Variants in APOB observed in about 807,000 individuals in gnomAD.
APOB encodes apolipoprotein B-100.
Under a neutral mutation model 314.1 loss-of-function variants are expected in APOB, and 153 were observed. The observed-to-expected ratio is 0.49, with a 90% CI of 0.43 to 0.56. APOB has a LOEUF of 0.56. Among genes scored for constraint, APOB ranks in the 20% least tolerant of loss-of-function variants. The pLI, the probability that APOB is intolerant of heterozygous loss-of-function variation, is 0.00. For synonymous variants in APOB, 2,087 were observed against 2,036.4 expected (o/e 1.02, Z -0.67); for missense variants, 5,430 against 5,350.7 (o/e 1.01, Z -0.46).
At chr2:21,042,321 G>T in intron 3 of APOB, 40 bp downstream of exon 3, 1 of 1,517,704 alleles carries the variant, frequency 6.6e-7, no homozygotes, top group Non-Finnish European at 9.1e-7. Context: ...CTGGGGGAAA[G>T]CTGTGGGCTC....
In APOB at chr2:21,012,610, G is replaced by A. The variant is rs1483573722; in HGVS notation, c.4258C>T (p.Leu1420=). Residue 1420 remains leucine, a synonymous_variant, in exon 26 of 29, where the codon CTA becomes TTA. Coordinates refer to ENST00000233242, the MANE Select transcript of APOB (RefSeq NM_000384.3). ...TGGCGTAGAGACCCATCACATGATAGTGTGAACGTATTCTTGTGGTCATAT... is the reference window on the plus strand; with the variant it reads ...TGGCGTAGAGACCCATCACATGATAATGTGAACGTATTCTTGTGGTCATAT... ...TTYDHKNTFT[L]SCDGSLRHKF... is the part of the protein sequence containing the mutation. The A allele has an allele frequency of 1.2e-5, 20 of 1,610,482 alleles. No individual in the cohort carries two copies. Among genetic ancestry groups the A allele is most frequent in the Middle Eastern group, 1.7e-4 (1 of 6,052 alleles).
Position 21,009,109 on chromosome 2 carries a change from C to G in APOB, c.7759G>C (p.Val2587Leu), listed in dbSNP as rs375855688. 1.9e-5 allele frequency: 30 copies of G among 1,614,074 alleles called. No individual in the cohort carries two copies. The African/African-American group carries it at 3.2e-4, about 17-fold the overall frequency. ...CCAAGGATGGTCTTGATTTCAGGAACAGTGAACCCTTGCTCTACCAATGCT... is the reference window on the plus strand; with the variant it reads ...CCAAGGATGGTCTTGATTTCAGGAAGAGTGAACCCTTGCTCTACCAATGCT... ...MKALVEQGFT[V>L]PEIKTILGTM... The change falls in exon 26 of 29, where the codon GTT (valine) becomes CTT (leucine). Residue 2587 changes from valine (V) to leucine (L), a missense_variant. Val to Leu is a conservative substitution (Grantham distance 32). This residue lies in a region of APOB where 3,281 missense variants were observed against 3,171.0 expected (regional missense o/e 1.03). Coordinates refer to ENST00000233242, the MANE Select transcript of APOB (RefSeq NM_000384.3).
At position 21,010,555 on chromosome 2, in the gene APOB, C is replaced by A. The variant is rs1663279094; in HGVS notation, c.6313G>T (p.Asp2105Tyr). The stretch of plus-strand genomic sequence containing the variant: ...GCTCTGTATTTTCTTACAAATTGAT[C>A]AATATTGATGTGCTTCAGGTTTCTC... ...VQRNLKHINI[D>Y]QFVRKYRAAL... Residue 2105 changes from aspartate (D) to tyrosine (Y), a missense_variant, in exon 26 of 29, where the codon GAT becomes TAT. Coordinates refer to ENST00000233242, the MANE Select transcript of APOB (RefSeq NM_000384.3). 1.2e-6 allele frequency: 2 copies of A among 1,610,602 alleles called. No homozygotes were observed. Among genetic ancestry groups the A allele is most frequent in the South Asian group, 2.2e-5 (2 of 90,656 alleles).
In APOB at chr2:21,005,105, T is replaced by C. The variant is rs1663090336; in HGVS notation, c.11763A>G (p.Val3921=). Residue 3921 remains valine, a synonymous_variant, in exon 26 of 29, where the codon GTA becomes GTG. Coordinates refer to ENST00000233242, the MANE Select transcript of APOB (RefSeq NM_000384.3). ...TVLDSTCSST[V]QFLEYELNVL... is the part of the protein sequence containing the mutation. Reference sequence around the variant, plus strand: ...CATTTAGTTCATATTCTAGGAACTGTACGGTTGAGCTGCATGTGGAATCCA... The same window carrying C: ...CATTTAGTTCATATTCTAGGAACTGCACGGTTGAGCTGCATGTGGAATCCA... 6.2e-7 allele frequency: 1 copy of C among 1,614,000 alleles called. No homozygotes were observed. Among genetic ancestry groups the C allele is most frequent in the East Asian group, 2.2e-5 (1 of 44,894 alleles).
Position 21,010,570 on chromosome 2 carries a change from T to A in APOB, c.6298A>T (p.Lys2100Ter). Residue 2100 changes from lysine to a stop codon, truncating the protein, a stop_gained, in exon 26 of 29, where the codon AAG becomes TAG. Coordinates refer to ENST00000233242, the MANE Select transcript of APOB (RefSeq NM_000384.3). LOFTEE classifies it high-confidence loss of function. ...ACAAATTGATCAATATTGATGTGCTTCAGGTTTCTCTGTACGTTTTCCAGT... is the reference window on the plus strand; with the variant it reads ...ACAAATTGATCAATATTGATGTGCTACAGGTTTCTCTGTACGTTTTCCAGT... ...VVLENVQRNLKHINIDQFVRK... is the reference protein window; with the variant it reads ...VVLENVQRNL 1 of 1,613,618 alleles carries A rather than the reference T, an allele frequency of 6.2e-7. No individual in the cohort carries two copies. Among genetic ancestry groups the A allele is most frequent in the Non-Finnish European group, 8.5e-7 (1 of 1,179,776 alleles).
intron 23 of APOB, 120 bp from the exon 24 acceptor site, chr2:21,014,713 G>T: frequency 2.0e-6 from 2 of 1,018,336 alleles, no homozygotes; most frequent in Non-Finnish European, 2.9e-6. Context: ...TGCACTGAAA[G>T]TTAAAAATAA....
chr2:21,003,251 A>G lies in APOB; in HGVS notation c.12171T>C (p.Asn4057=). The G allele has an allele frequency of 6.2e-7, 1 of 1,613,924 alleles. No individual in the cohort carries two copies. Among genetic ancestry groups the G allele is most frequent in the South Asian group, 1.1e-5 (1 of 91,062 alleles). The part of the protein sequence containing the change: ...ESDEETQIKV[N]WEEEAASGLL... ...AGCCAGAAGCTGCCTCTTCTTCCCAATTAACTTTGATCTGAGTTTCCTCAT... is the reference window on the plus strand; with the variant it reads ...AGCCAGAAGCTGCCTCTTCTTCCCAGTTAACTTTGATCTGAGTTTCCTCAT... The change falls in exon 29 of 29, where the codon AAT becomes AAC. Residue 4057 remains asparagine, a synonymous_variant. Coordinates refer to ENST00000233242, the MANE Select transcript of APOB (RefSeq NM_000384.3).
Position 21,002,088 on chromosome 2 carries a change from T to C in APOB, c.13334A>G (p.His4445Arg), listed in dbSNP as rs762982664. ...QLSSQVEQFL[H>R]RNIQEYLSIL... ...GCTAAGATATTCCTGAATATTTCTGTGCAGAAATTGCTCAACTTGACTTGA... is the reference window on the plus strand; with the variant it reads ...GCTAAGATATTCCTGAATATTTCTGCGCAGAAATTGCTCAACTTGACTTGA... The change falls in exon 29 of 29, where the codon CAC (histidine) becomes CGC (arginine). Residue 4445 changes from histidine (H) to arginine (R), a missense_variant. Physicochemically the swap from His to Arg is conservative, Grantham distance 29. Coordinates refer to ENST00000233242, the MANE Select transcript of APOB (RefSeq NM_000384.3). 3.7e-6 allele frequency: 6 copies of C among 1,614,002 alleles called. No individual in the cohort carries two copies. The highest frequency in any genetic ancestry group is 5.1e-6 in the Non-Finnish European group (6 of 1,179,978).
chr2:21,009,045 T>G lies in APOB; in HGVS notation c.7823A>C (p.Gln2608Pro), dbSNP rs767180578. The G allele has an allele frequency of 7.4e-6, 12 of 1,613,992 alleles. No individual in the cohort carries two copies. The African/African-American group carries it at 1.6e-4, about 22-fold the overall frequency. ...ATCAGGTGTCTGGAAGGTAGCTTTC[T>G]GAAGAGCCTGAAGACTGACTTCAAA... ...PAFEVSLQAL[Q>P]KATFQTPDFI... The change falls in exon 26 of 29, where the codon CAG becomes CCG. Residue 2608 changes from glutamine to proline, a missense_variant. By Grantham distance (76) the Gln-to-Pro change is moderately conservative. Around this residue, in one of 3 missense-constraint regions of APOB, gnomAD observed 3,281 missense variants for 3,171.0 expected, o/e 1.03. Coordinates refer to ENST00000233242, the MANE Select transcript of APOB (RefSeq NM_000384.3).
rs1663262962 is a variant in APOB, at chr2:21,010,029, T to G, written c.6839A>C (p.His2280Pro). ...KRHIQNIDIQHLAGKLKQHIE... is the reference protein window; with the variant it reads ...KRHIQNIDIQPLAGKLKQHIE... ...GTGTTGTTTTAACTTTCCAGCTAGGTGCTGGATGTCTATATTCTGTATGTG... is the reference window on the plus strand; with the variant it reads ...GTGTTGTTTTAACTTTCCAGCTAGGGGCTGGATGTCTATATTCTGTATGTG... The change falls in exon 26 of 29, where the codon CAC (histidine) becomes CCC (proline). Residue 2280 changes from histidine (H) to proline (P), a missense_variant. Transcript: ENST00000233242. 6 of 1,613,570 alleles carry G rather than the reference T, an allele frequency of 3.7e-6. No individual in the cohort carries two copies. Among genetic ancestry groups the G allele is most frequent in the Non-Finnish European group, 5.1e-6 (6 of 1,179,828 alleles).
chr2:21,028,046 C>G lies in APOB; in HGVS notation c.1849G>C (p.Glu617Gln), dbSNP rs768573229. 1 of 1,609,834 alleles carries G rather than the reference C, an allele frequency of 6.2e-7. No homozygotes were observed. The highest frequency in any genetic ancestry group is 8.5e-7 in the Non-Finnish European group (1 of 1,176,168). ...GGAAGTTGAGATTCTTTCAGAGCTTCTTTCACTAACTTTTTCAGACTAGAT... is the reference window on the plus strand; with the variant it reads ...GGAAGTTGAGATTCTTTCAGAGCTTGTTTCACTAACTTTTTCAGACTAGAT... ...DIQDLKKLVK[E>Q]ALKESQLPTV... The change falls in exon 14 of 29, where the codon GAA becomes CAA. Residue 617 changes from glutamate (E) to glutamine (Q), a missense_variant. By Grantham distance (29) the Glu-to-Gln change is conservative. Transcript: ENST00000233242.
chr2:21,043,484 C>T (rs765736684), intron 2 of APOB, 29 bp downstream of exon 2: 3 of 1,592,634 alleles, frequency 1.9e-6, no homozygotes, highest in Non-Finnish European at 2.6e-6. Flanking sequence ...GCTGGGCGCC[C>T]TTCCACGCCC....
Position 21,006,288 on chromosome 2 carries a change from C to T in APOB, c.10580G>A (p.Arg3527Gln), listed in dbSNP as rs5742904. Residue 3527 changes from arginine to glutamine, a missense_variant, in exon 26 of 29, where the codon CGG becomes CAG. Physicochemically the swap from Arg to Gln is conservative, Grantham distance 43. Coordinates refer to ENST00000233242, the MANE Select transcript of APOB (RefSeq NM_000384.3). ...AGTGCCCTGCAGCTTCACTGAAGACCGTGTGCTCTTGGAATTCAAGTAAGT... is the reference window on the plus strand; with the variant it reads ...AGTGCCCTGCAGCTTCACTGAAGACTGTGTGCTCTTGGAATTCAAGTAAGT... The part of the protein sequence containing the change: ...ANTYLNSKST[R>Q]SSVKLQGTSK... 4.2e-4 allele frequency: 679 copies of T among 1,613,860 alleles called. 1 individual carries two copies. The highest frequency in any genetic ancestry group is 4.9e-4 in the Non-Finnish European group (582 of 1,179,964).
In APOB at chr2:21,003,026, T is replaced by C; in HGVS notation, c.12396A>G (p.Lys4132=). The stretch of plus-strand genomic sequence containing the variant: ...AGGTCCCAGTGGTGCCACTGGCTGC[T>C]TTCTGGAACCTCACGTCGATATCAT... ...QIDDIDVRFQ[K]AASGTTGTYQ... The change falls in exon 29 of 29, where the codon AAA becomes AAG. Residue 4132 remains lysine (K), a synonymous_variant. Transcript: ENST00000233242. 1 of 1,568,654 alleles carries C rather than the reference T, an allele frequency of 6.4e-7. No homozygotes were observed.
chr2:21,041,762 A>G (rs1407161796), intron 3 of APOB, among the ~76,000 whole-genome samples: 1 of 152,222 alleles, frequency 6.6e-6, no homozygotes, highest in Non-Finnish European at 1.5e-5. Context: ...TGGACAGCAC[A>G]TACAAGAGCT....
At position 21,016,447 on chromosome 2, in the gene APOB, GC is replaced by G; in HGVS notation, c.3323del (p.Gly1108AlafsTer3). 6.3e-7 allele frequency: 1 copy of G among 1,591,330 alleles called. No individual in the cohort carries two copies. Among genetic ancestry groups the G allele is most frequent in the Non-Finnish European group, 8.6e-7 (1 of 1,159,420 alleles). On this transcript the variant is annotated frameshift_variant, in exon 21 of 29. Coordinates refer to ENST00000233242, the MANE Select transcript of APOB (RefSeq NM_000384.3). LOFTEE classifies it high-confidence loss of function. ...NKKITEVALM[G>X]HLSCDTKEER... Reference sequence around the variant, plus strand: ...CCCTCGGCCTTCTTTACCTTAGGTGGCCCATGAGGGCGACCTCAGTAATTTT... The same window carrying G: ...CCCTCGGCCTTCTTTACCTTAGGTGGCCATGAGGGCGACCTCAGTAATTTT...
At chr2:21,030,200 T>G (rs1189263493) in intron 10 of APOB, among the ~76,000 whole-genome samples, 185 bp from the exon 11 acceptor site, 1 of 152,194 alleles carries the variant, frequency 6.6e-6, no homozygotes, top group Non-Finnish European at 1.5e-5. Context: ...GACTTCAGAT[T>G]ATACAACAAG....
At chr2:21,026,138 T>G (rs531668625) in intron 15 of APOB, among the ~76,000 whole-genome samples, 1 of 152,356 alleles carries the variant, frequency 6.6e-6, no homozygotes, top group South Asian at 2.1e-4. Flanking sequence ...TGGACTGTTA[T>G]TAGTAGTCTG....
chr2:21,028,267 A>G, intron 13 of APOB, 60 bp downstream of exon 13: 2 of 1,434,876 alleles, frequency 1.4e-6, no homozygotes, highest in Admixed American at 1.7e-5. Flanking sequence ...GCCAAAACCT[A>G]GGGTTGGAAT....
Sources: allele counts gnomAD v4.1 joint callset (sites outside exome capture counted in the v4.1 genomes callset), GRCh38; gene constraint gnomAD v4.1.1; regional missense constraint gnomAD v4.1.1; transcripts MANE v1.5; gene names NCBI Gene and HGNC (gene_info 2026-07-23, HGNC 2026-07-21).